Variants in CSRNP3 observed in about 807,000 individuals in gnomAD.
CSRNP3 encodes cysteine and serine rich nuclear protein 3, also known as cysteine/serine-rich nuclear protein 3.
CSRNP3 carries 12 observed loss-of-function variants against 48.0 expected under a neutral mutation model. The observed-to-expected ratio is 0.25, with a 90% CI of 0.16 to 0.41. CSRNP3 has a LOEUF of 0.41. Among genes scored for constraint, CSRNP3 ranks in the 10% least tolerant of loss-of-function variants. The probability of loss-of-function intolerance (pLI) is 1.00; values close to 1 mark genes in which losing one functional copy is unlikely to be tolerated. For synonymous variants in CSRNP3, 263 were observed against 269.7 expected (o/e 0.98, Z 0.24); for missense variants, 580 against 724.4 (o/e 0.80, Z 2.29).
In CSRNP3 at chr2:165,689,272, CAAAT is replaced by C. The variant is rs948731902; in HGVS notation, c.*9522_*9525del. 1.3e-4 allele frequency: 19 copies of C among 151,882 alleles called. No individual in the cohort carries two copies. The highest frequency in any genetic ancestry group is 2.4e-4 in the African/African-American group (10 of 41,306). 9.4% of individuals were successfully genotyped at this position (151,882 alleles called of 1,614,324 possible). A position where few individuals can be genotyped will look rare whatever the true frequency, so the allele number is the denominator to read the frequency against. ...TATTGCAGTGTGTATATATATATAA[CAAAT>C]AAGCATTTTTAAGTCTTATCCTTAA... On this transcript the variant is annotated 3_prime_UTR_variant, in exon 7 of 7. Coordinates refer to ENST00000651982, the MANE Select transcript of CSRNP3 (RefSeq NM_001172173.2).
intron 2 of CSRNP3, among the ~76,000 whole-genome samples, chr2:165,495,964 G>A (rs912862975): frequency 4.0e-5 from 6 of 151,696 alleles, no homozygotes; most frequent in East Asian, 3.9e-4. Context: ...CCTGCATGTC[G>A]TACACATTTA....
At chr2:165,503,848 G>A (rs1019979891) in intron 2 of CSRNP3, among the ~76,000 whole-genome samples, 1 of 151,716 alleles carries the variant, frequency 6.6e-6, no homozygotes, top group African/African-American at 2.4e-5. Context: ...CTTTAAAAAT[G>A]GAAATGCCTC....
At chr2:165,655,580 C>T (rs1411567394) in intron 4 of CSRNP3, among the ~76,000 whole-genome samples, 5 of 152,122 alleles carry the variant, frequency 3.3e-5, no homozygotes, top group African/African-American at 1.2e-4. Context: ...TATCAGTTTC[C>T]TTGGGCTCCC....
intron 3 of CSRNP3, among the ~76,000 whole-genome samples, chr2:165,556,063 A>G (rs1685156952): frequency 6.6e-6 from 1 of 152,066 alleles, no homozygotes; most frequent in Non-Finnish European, 1.5e-5. Context: ...CAATGACTAG[A>G]CCGGTGCCAT....
intron 3 of CSRNP3, among the ~76,000 whole-genome samples, chr2:165,554,235 T>C (rs1206231156): frequency 1.3e-5 from 2 of 152,176 alleles, no homozygotes; most frequent in African/African-American, 4.8e-5. Flanking sequence ...TATATTCCTG[T>C]GCTGGTTCTT....
chr2:165,531,603 G>A (rs1236976571), intron 3 of CSRNP3, among the ~76,000 whole-genome samples: 2 of 152,122 alleles, frequency 1.3e-5, no homozygotes, highest in Admixed American at 6.5e-5. Context: ...TTTTATGGCT[G>A]CATAGTATTT....
chr2:165,594,930 A>G, intron 3 of CSRNP3, 113 bp from the exon 4 acceptor site: 2 of 739,786 alleles, frequency 2.7e-6, no homozygotes, highest in Non-Finnish European at 4.2e-6. Flanking sequence ...TTCAAGGGAA[A>G]GCTATAGCTC....
At chr2:165,639,968 C>T (rs1043745711) in intron 4 of CSRNP3, among the ~76,000 whole-genome samples, 9 of 151,938 alleles carry the variant, frequency 5.9e-5, no homozygotes, top group African/African-American at 1.9e-4. Context: ...ATATCAGACC[C>T]CAAAAAAGTA....
rs1687476443 is a variant in CSRNP3, at chr2:165,678,975, T to G, written c.980T>G (p.Val327Gly). ...FEIETEPQAA[V>G]LHLQSAEELD... ...ATTGAAACTGAGCCCCAGGCTGCAG[T>G]GCTGCACCTGCAGTCGGCTGAAGAA... The change falls in exon 7 of 7, where the codon GTG (valine) becomes GGG (glycine). Residue 327 changes from valine to glycine, a missense_variant. This residue lies in a region of CSRNP3 where 369 missense variants were observed against 380.8 expected (regional missense o/e 0.97). Transcript: ENST00000651982. 1 of 1,613,846 alleles carries G rather than the reference T, an allele frequency of 6.2e-7. No individual in the cohort carries two copies. The highest frequency in any genetic ancestry group is 1.3e-5 in the African/African-American group (1 of 74,858).
intron 2 of CSRNP3, among the ~76,000 whole-genome samples, chr2:165,497,871 C>T (rs1684304133): frequency 6.6e-6 from 1 of 151,958 alleles, no homozygotes; most frequent in African/African-American, 2.4e-5. Context: ...GGACACAAAT[C>T]AAGTCAAAGA....
chr2:165,562,794 A>T (rs1003953865), intron 3 of CSRNP3, among the ~76,000 whole-genome samples: 1 of 152,204 alleles, frequency 6.6e-6, no homozygotes, highest in Non-Finnish European at 1.5e-5. Context: ...CTTTCTAGAA[A>T]TACAAACACA....
At chr2:165,499,357 G>A (rs1470026170) in intron 2 of CSRNP3, among the ~76,000 whole-genome samples, 3 of 152,138 alleles carry the variant, frequency 2.0e-5, no homozygotes, top group Non-Finnish European at 4.4e-5. Context: ...CTTGGGGGAA[G>A]AGTATTTGTG....
chr2:165,657,544 C>T (rs73972126), intron 4 of CSRNP3, among the ~76,000 whole-genome samples: 265 of 152,180 alleles, frequency 1.7e-3, no homozygotes, highest in African/African-American at 6.2e-3. Context: ...CACAGTCTAC[C>T]ATTATACTTA....
At chr2:165,547,041 T>G (rs1231300737) in intron 3 of CSRNP3, among the ~76,000 whole-genome samples, 1 of 152,210 alleles carries the variant, frequency 6.6e-6, no homozygotes, top group Non-Finnish European at 1.5e-5. Context: ...ACTCCCTTCT[T>G]AATTGATAAC....
intron 4 of CSRNP3, among the ~76,000 whole-genome samples, chr2:165,629,009 A>G (rs951207658): frequency 6.6e-6 from 1 of 152,232 alleles, no homozygotes; most frequent in Non-Finnish European, 1.5e-5. Context: ...CAGGTAGTAC[A>G]GGCTCTTTAT....
intron 4 of CSRNP3, among the ~76,000 whole-genome samples, chr2:165,616,440 C>T (rs751212186): frequency 1.3e-5 from 2 of 152,160 alleles, no homozygotes; most frequent in Non-Finnish European, 2.9e-5. Context: ...TGAAGCATTT[C>T]CCGTAGGACC....
At chr2:165,634,773 A>G (rs1200407433) in intron 4 of CSRNP3, among the ~76,000 whole-genome samples, 1 of 152,232 alleles carries the variant, frequency 6.6e-6, no homozygotes, top group East Asian at 1.9e-4. Context: ...GGAGGTGACA[A>G]CAATTACACT....
intron 4 of CSRNP3, among the ~76,000 whole-genome samples, chr2:165,608,378 T>TA (rs1446748375): frequency 2.6e-5 from 4 of 152,126 alleles, no homozygotes. Context: ...AAGCTGCCTT[T>TA]CACTGGCATA....
intron 4 of CSRNP3, among the ~76,000 whole-genome samples, chr2:165,648,466 T>G (rs1686850048): frequency 6.6e-6 from 1 of 152,174 alleles, no homozygotes; most frequent in African/African-American, 2.4e-5. Flanking sequence ...ATATAAAAAT[T>G]ATTTATAAAA....
Sources: allele counts gnomAD v4.1 joint callset (sites outside exome capture counted in the v4.1 genomes callset), GRCh38; gene constraint gnomAD v4.1.1; regional missense constraint gnomAD v4.1.1; transcripts MANE v1.5; gene names NCBI Gene and HGNC (gene_info 2026-07-23, HGNC 2026-07-21).